CHST8: variants seen among roughly 807,000 people sequenced by gnomAD.
CHST8 encodes carbohydrate sulfotransferase 8, also known as GALNAC-4-ST1.
CHST8 carries 10 observed loss-of-function variants against 15.0 expected under a neutral mutation model. The ratio of observed to expected loss-of-function variants is 0.67; its 90% confidence interval spans 0.41 to 1.13. The LOEUF is 1.13. Among genes scored for constraint, CHST8 ranks in the 50% most tolerant of loss-of-function variants. The pLI is 0.00. For missense variants in CHST8, 634 were observed against 608.2 expected (o/e 1.04, Z -0.45); for synonymous variants, 259 against 256.6 (o/e 1.01, Z -0.09).
chr19:33,746,938 G>T (rs1412545852), intron 3 of CHST8, among the ~76,000 whole-genome samples: 1 of 152,110 alleles, frequency 6.6e-6, no homozygotes, highest in Non-Finnish European at 1.5e-5. Context: ...TTAAATCAGG[G>T]CGATGGTAAT....
At chr19:33,692,688 G>A (rs11084746) in intron 3 of CHST8, among the ~76,000 whole-genome samples, 13,085 of 152,214 alleles carry the variant, frequency 0.086, 703 homozygotes, top group East Asian at 0.15. Flanking sequence ...TGACAGGGCC[G>A]GACTTTGTCT....
chr19:33,771,776 G>T (rs923865770), intron 4 of CHST8, among the ~76,000 whole-genome samples, 181 bp from the exon 5 acceptor site: 1 of 152,138 alleles, frequency 6.6e-6, no homozygotes, highest in Non-Finnish European at 1.5e-5. Context: ...CACCTCAGCG[G>T]GAGGGAGGCC....
intron 1 of CHST8, among the ~76,000 whole-genome samples, chr19:33,632,630 G>A (rs1338481559): frequency 6.6e-6 from 1 of 152,130 alleles, no homozygotes; most frequent in Non-Finnish European, 1.5e-5. Context: ...ACCCAGCACT[G>A]GAGCAGGGAT....
chr19:33,751,187 C>T (rs8113795), intron 3 of CHST8, among the ~76,000 whole-genome samples: 12,282 of 152,200 alleles, frequency 0.081, 1,618 homozygotes, highest in African/African-American at 0.28. Context: ...AGCCTGCCCA[C>T]CGCACCCTCG....
chr19:33,747,885 G>A (rs1027048249), intron 3 of CHST8, among the ~76,000 whole-genome samples: 1 of 152,080 alleles, frequency 6.6e-6, no homozygotes, highest in Admixed American at 6.6e-5. Context: ...TGTGGAGGCC[G>A]AGGAGGTGGC....
Position 33,772,891 on chromosome 19 carries a change from T to C in CHST8, c.1103T>C (p.Leu368Pro), listed in dbSNP as rs1276580106. ...FLSLIRAPRN[L>P]TFPRFKDRHS... ...AGCCTCATCCGCGCGCCGCGGAACC[T>C]GACCTTCCCCCGGTTCAAGGACCGG... The change falls in exon 5 of 5, where the codon CTG becomes CCG. Residue 368 changes from leucine (L) to proline (P), a missense_variant. Leu to Pro is a moderately conservative substitution (Grantham distance 98). Transcript: ENST00000650847. 1 of 1,613,520 alleles carries C rather than the reference T, an allele frequency of 6.2e-7. No individual in the cohort carries two copies.
At chr19:33,636,106 A>AC (rs1460098804) in intron 1 of CHST8, among the ~76,000 whole-genome samples, 22 of 151,784 alleles carry the variant, frequency 1.4e-4, no homozygotes, top group Non-Finnish European at 1.0e-4. Flanking sequence ...AAAAAAAAAA[A>AC]AACCTCTTGA....
chr19:33,720,694 G>C (rs530469792), intron 3 of CHST8, among the ~76,000 whole-genome samples: 1 of 152,384 alleles, frequency 6.6e-6, no homozygotes, highest in South Asian at 2.1e-4. Flanking sequence ...CTCCCCTCAA[G>C]ACCATGGGGA....
chr19:33,757,526 A>G (rs12609532), intron 3 of CHST8, among the ~76,000 whole-genome samples: 2,272 of 17,620 alleles, frequency 0.13, 547 homozygotes, highest in Middle Eastern at 0.21. Flanking sequence ...AAGAAAGAGA[A>G]AGAAAGAAAG....
chr19:33,741,849 T>G (rs1974199788), intron 3 of CHST8, among the ~76,000 whole-genome samples: 1 of 152,098 alleles, frequency 6.6e-6, no homozygotes, highest in African/African-American at 2.4e-5. Context: ...ATCCCACAGA[T>G]CAAGGACATG....
chr19:33,675,248 C>T (rs1426684603), intron 2 of CHST8, among the ~76,000 whole-genome samples: 1 of 152,230 alleles, frequency 6.6e-6, no homozygotes, highest in African/African-American at 2.4e-5. Flanking sequence ...CCCAGGCACA[C>T]TAGGTCAAGA....
At chr19:33,652,344 G>A (rs1027176926) in intron 1 of CHST8, among the ~76,000 whole-genome samples, 2 of 132,976 alleles carry the variant, frequency 1.5e-5, no homozygotes, top group African/African-American at 5.5e-5. Context: ...TTTTTTTGTG[G>A]TTACTGGTTT....
chr19:33,725,349 G>A lies in CHST8; in HGVS notation c.130+35958G>A, dbSNP rs1463465244. Among the ~76,000 whole-genome samples the A allele has an allele frequency of 2.0e-5, 3 of 152,126 alleles. No individual in the cohort carries two copies. The East Asian group carries it at 5.8e-4, about 29-fold the overall frequency. On this transcript the variant is annotated intron_variant, in intron 3 of 4. Transcript: ENST00000650847. ...CTCCTCGACTCATTCTGAGAGCTAAGCCTCGAGTCCTAATCCAAATCTGAA... is the reference window on the plus strand; with the variant it reads ...CTCCTCGACTCATTCTGAGAGCTAAACCTCGAGTCCTAATCCAAATCTGAA...
intron 1 of CHST8, among the ~76,000 whole-genome samples, chr19:33,626,783 CTT>C (rs373066494): frequency 6.7e-5 from 9 of 133,476 alleles, no homozygotes; most frequent in African/African-American, 1.7e-4. Flanking sequence ...TTTTTTTTTC[CTT>C]TTTTTTTTTT....
chr19:33,724,671 G>GCCCTGC (rs1973861021), intron 3 of CHST8, among the ~76,000 whole-genome samples: 1 of 152,152 alleles, frequency 6.6e-6, no homozygotes. Flanking sequence ...CCACTCCTGG[G>GCCCTGC]CCCTGCCCCT....
At chr19:33,696,868 T>G (rs947125573) in intron 3 of CHST8, among the ~76,000 whole-genome samples, 1 of 151,570 alleles carries the variant, frequency 6.6e-6, no homozygotes. Flanking sequence ...GAGACGGAGT[T>G]TTGCTCTCGT....
chr19:33,765,094 G>A (rs986171913), intron 3 of CHST8, among the ~76,000 whole-genome samples: 14 of 110,786 alleles, frequency 1.3e-4, no homozygotes, highest in African/African-American at 5.5e-4. Context: ...TTATCCACTC[G>A]TTGATTGATG....
At chr19:33,724,761 C>T (rs1973862599) in intron 3 of CHST8, among the ~76,000 whole-genome samples, 1 of 152,192 alleles carries the variant, frequency 6.6e-6, no homozygotes, top group African/African-American at 2.4e-5. Context: ...TGGAGCTCCC[C>T]AGCCAGGTGG....
chr19:33,733,455 G>A (rs1381168889), intron 3 of CHST8, among the ~76,000 whole-genome samples: 2 of 152,070 alleles, frequency 1.3e-5, no homozygotes, highest in Non-Finnish European at 2.9e-5. Context: ...AGCTGGTCTT[G>A]AAGTCCTGAA....
Sources: allele counts gnomAD v4.1 joint callset (sites outside exome capture counted in the v4.1 genomes callset), GRCh38; gene constraint gnomAD v4.1.1; transcripts MANE v1.5; gene names NCBI Gene and HGNC (gene_info 2026-07-23, HGNC 2026-07-21).